The following NLRP1 variants were observed in gnomAD, a reference collection of about 807,000 sequenced individuals.
NLRP1 encodes the protein NACHT, LRR and PYD domains-containing protein 1.
Under a neutral mutation model 136.7 loss-of-function variants are expected in NLRP1, and 94 were observed. That is an observed-to-expected ratio of 0.69 (90% CI 0.58 to 0.82). The LOEUF is 0.82. Among genes scored for constraint, NLRP1 ranks in the 40% least tolerant of loss-of-function variants. NLRP1 has a pLI of 0.00. For missense variants in NLRP1, 1,575 were observed against 1,802.7 expected (o/e 0.87, Z 2.29); for synonymous variants, 690 against 725.1 (o/e 0.95, Z 0.78).
At chr17:5,534,055 C>G (rs1597416561) in intron 8 of NLRP1, 67 bp from the exon 9 acceptor site, 1 of 1,141,240 alleles carries the variant, frequency 8.8e-7, no homozygotes. Context: ...CATGACATTC[C>G]CACTAAAAAT....
chr17:5,511,090 T>G (rs1351530750), downstream of NLRP1, among the ~76,000 whole-genome samples: 1 of 152,136 alleles, frequency 6.6e-6, no homozygotes, highest in African/African-American at 2.4e-5. Flanking sequence ...AAGAATTTGA[T>G]TCCCAGCTCA....
intron 6 of NLRP1, 131 bp from the exon 7 acceptor site, chr17:5,539,716 A>C: frequency 1.4e-6 from 2 of 1,401,922 alleles, no homozygotes; most frequent in East Asian, 2.7e-5. Context: ...GAGAAGATAC[A>C]AACTTTCCTG....
In NLRP1 at chr17:5,518,195, T is replaced by C. The variant is rs538788116; in HGVS notation, c.3916-308A>G. On this transcript the variant is annotated intron_variant, in intron 14 of 16. Coordinates refer to ENST00000572272, the MANE Select transcript of NLRP1 (RefSeq NM_033004.4). ...ACCCTCATTTCTCCAGCCCAAAGCC[T>C]GTCTTCCCAATGGACCCTAAACTCC... is the stretch of plus-strand genomic sequence containing the variant. The C allele has an allele frequency of 1.2e-5, 3 of 240,712 alleles. No homozygotes were observed. The South Asian group carries it at 2.3e-4, about 19-fold the overall frequency. The allele number at this position is 240,712 out of a possible 1,614,324, so 14.9% of individuals were successfully genotyped here.
Position 5,583,857 on chromosome 17 carries a change from G to T in NLRP1, c.101C>A (p.Ser34Tyr). ...FQLLLANKAHSRSSSGETPAQ... is the reference protein window; with the variant it reads ...FQLLLANKAHYRSSSGETPAQ... ...GGGTGTCTCACCCGAAGAGCTCCTG[G>T]AGTGCGCTTTATTGGCGAGCAGAAG... Residue 34 changes from serine (S) to tyrosine (Y), a missense_variant, in exon 1 of 17, where the codon TCC becomes TAC. By Grantham distance (144) the Ser-to-Tyr change is moderately radical (BLOSUM62 -2). Coordinates refer to ENST00000572272, the MANE Select transcript of NLRP1 (RefSeq NM_033004.4). The surrounding 1 kb of genome is among the most constrained non-coding windows in gnomAD (Gnocchi z 4.5). 1 of 1,578,404 alleles carries T rather than the reference G, an allele frequency of 6.3e-7. No homozygotes were observed. The highest frequency in any genetic ancestry group is 1.2e-5 in the South Asian group (1 of 86,756).
intron 5 of NLRP1, among the ~76,000 whole-genome samples, chr17:5,548,051 C>T (rs1299418859): frequency 1.3e-5 from 2 of 152,190 alleles, no homozygotes; most frequent in African/African-American, 4.8e-5. Context: ...TCCACCCAAA[C>T]TCCCACCTGT....
Position 5,582,671 on chromosome 17 carries a change from T to A in NLRP1, c.447A>T (p.Arg149Ser). Residue 149 changes from arginine to serine, a missense_variant and splice_region_variant, in exon 2 of 17, where the codon AGA becomes AGT. Transcript: ENST00000572272. ...TCAGCCTGCCTCAGCAAGCCTCACC[T>A]CTCCAGCGGCGTCCAGATGTGTCAG... ...QLPDTSGRRW[R>S]EISASLLYQA... 1 of 1,613,916 alleles carries A rather than the reference T, an allele frequency of 6.2e-7. No individual in the cohort carries two copies. Among genetic ancestry groups the A allele is most frequent in the Non-Finnish European group, 8.5e-7 (1 of 1,179,932 alleles).
chr17:5,582,105 AT>A, intron 2 of NLRP1, 43 bp from the exon 3 acceptor site: 1 of 1,475,166 alleles, frequency 6.8e-7, no homozygotes, highest in Non-Finnish European at 9.3e-7. Flanking sequence ...CTGAACATTT[AT>A]TTTCTTTTAG....
intron 3 of NLRP1, among the ~76,000 whole-genome samples, chr17:5,579,126 G>A (rs1905311045): frequency 1.3e-5 from 2 of 152,028 alleles, no homozygotes; most frequent in South Asian, 4.2e-4. Flanking sequence ...TTGGAGGAGG[G>A]GGGAGGGATA....
At chr17:5,529,091 G>C (rs1289324863) in intron 12 of NLRP1, among the ~76,000 whole-genome samples, 1 of 152,180 alleles carries the variant, frequency 6.6e-6, no homozygotes, top group Non-Finnish European at 1.5e-5. Flanking sequence ...CTTTCTGGCT[G>C]ATGTCAAGGC....
At chr17:5,524,517 A>T (rs1909290789) in intron 12 of NLRP1, among the ~76,000 whole-genome samples, 1 of 152,210 alleles carries the variant, frequency 6.6e-6, no homozygotes, top group Non-Finnish European at 1.5e-5. Flanking sequence ...GTACCAAGGG[A>T]TGAGGAAAGC....
At chr17:5,580,123 G>A (rs930032408) in intron 3 of NLRP1, among the ~76,000 whole-genome samples, 1 of 151,784 alleles carries the variant, frequency 6.6e-6, no homozygotes, top group Non-Finnish European at 1.5e-5. Flanking sequence ...TAGTCCCAGC[G>A]ACTCGGGAGG....
downstream of NLRP1, among the ~76,000 whole-genome samples, chr17:5,511,749 T>C (rs1290039967): frequency 1.3e-5 from 2 of 149,054 alleles, no homozygotes; most frequent in South Asian, 2.2e-4. Context: ...CCTCCCTTTC[T>C]CTTTTCTTTT....
At position 5,558,386 on chromosome 17, in the gene NLRP1, A is replaced by T. The variant is rs1218612794; in HGVS notation, c.2310T>A (p.Ile770=). The part of the protein sequence containing the change: ...FSRHVKKLQL[I]EGRQHRSTWS... The stretch of plus-strand genomic sequence containing the variant: ...ATGTTGATCTGTGCTGCCTGCCCTC[A>T]ATCAGCTGAAGCTTCTTCACGTGGC... Residue 770 remains isoleucine (I), a synonymous_variant, in exon 4 of 17, where the codon ATT becomes ATA. Transcript: ENST00000572272. 1 of 1,613,890 alleles carries T rather than the reference A, an allele frequency of 6.2e-7. No individual in the cohort carries two copies. Among genetic ancestry groups the T allele is most frequent in the Admixed American group, 1.7e-5 (1 of 59,986 alleles).
At chr17:5,556,764 C>T (rs533597097) in intron 4 of NLRP1, among the ~76,000 whole-genome samples, 1 of 152,104 alleles carries the variant, frequency 6.6e-6, no homozygotes, top group Admixed American at 6.5e-5. Context: ...GCTGGGATTA[C>T]AGGCGCCTGA....
At chr17:5,570,721 A>C (rs1915779826) in intron 3 of NLRP1, among the ~76,000 whole-genome samples, 1 of 151,840 alleles carries the variant, frequency 6.6e-6, no homozygotes, top group Admixed American at 6.6e-5. Flanking sequence ...GGAGGAGGGG[A>C]CTCCTCTCTA....
chr17:5,518,856 TGAGACA>T (rs1908490869), intron 14 of NLRP1, among the ~76,000 whole-genome samples: 1 of 148,832 alleles, frequency 6.7e-6, no homozygotes, highest in African/African-American at 2.6e-5. Flanking sequence ...TTTTTTTTTT[TGAGACA>T]GGGTCTTGCT....
chr17:5,536,775 C>A, intron 8 of NLRP1, 76 bp downstream of exon 8: 1 of 1,033,274 alleles, frequency 9.7e-7, no homozygotes, highest in Non-Finnish European at 1.5e-6. Flanking sequence ...TTGTCTCTCA[C>A]CCCATGGCTC....
At position 5,583,209 on chromosome 17, in the gene NLRP1, A is replaced by G. The variant is rs1905900364; in HGVS notation, c.272-363T>C. On this transcript the variant is annotated intron_variant, in intron 1 of 16. Coordinates refer to ENST00000572272, the MANE Select transcript of NLRP1 (RefSeq NM_033004.4). This position sits in a 1 kb window ranked among gnomAD's most constrained non-coding sequence, Gnocchi z 4.5. ...AGCAGCAGCAGCAGCAACAACAGCA[A>G]TGGGAGATCTTATTTATTGAGCACT... Among the ~76,000 whole-genome samples, 1 of 152,162 alleles carries G rather than the reference A, an allele frequency of 6.6e-6. No individual in the cohort carries two copies. Among genetic ancestry groups the G allele is most frequent in the African/African-American group, 2.4e-5 (1 of 41,428 alleles).
At chr17:5,503,228 G>C (rs891274681) in intron 15 of NLRP1, 3 of 152,440 alleles carry the variant, frequency 2.0e-5, no homozygotes, top group Non-Finnish European at 4.4e-5. Flanking sequence ...GGAATGGAAG[G>C]GTGTGTAGAG....
Sources: gnomAD v4.1 joint callset for allele counts (sites outside exome capture counted in the v4.1 genomes callset) on GRCh38, gnomAD v4.1.1 for gene constraint, Gnocchi (gnomAD v3.1) non-coding constraint, MANE v1.5 for transcripts, NCBI Gene and HGNC (gene_info 2026-07-23, HGNC 2026-07-21) for gene names.